TSPAN14: variants seen among roughly 807,000 people sequenced by gnomAD.
TSPAN14 encodes tetraspanin 14.
TSPAN14 carries 16 observed loss-of-function variants against 36.6 expected under a neutral mutation model. The ratio of observed to expected loss-of-function variants is 0.44; its 90% CI spans 0.30 to 0.66. TSPAN14 has a LOEUF of 0.66. Ranked by LOEUF, TSPAN14 falls within the 30% of genes least tolerant of loss-of-function variation. The pLI is 0.12. For missense variants in TSPAN14, 231 were observed against 355.1 expected (o/e 0.65, Z 2.81); for synonymous variants, 139 against 143.8 (o/e 0.97, Z 0.24).
rs1223793671 is a variant in TSPAN14, at chr10:80,509,129, CAG to C, written c.280-169_280-168del. Among the ~76,000 whole-genome samples, 1 of 152,184 alleles carries C rather than the reference CAG, an allele frequency of 6.6e-6. No homozygotes were observed. The highest frequency in any genetic ancestry group is 1.5e-5 in the Non-Finnish European group (1 of 68,036). On this transcript the variant is annotated intron_variant, in intron 4 of 8. Transcript: ENST00000429989. This position sits in a 1 kb window ranked among gnomAD's most constrained non-coding sequence, Gnocchi z 4.7. ...TTTTTACAGATGAAGCGAAGTTGTG[CAG>C]AGTCACCCAGCTAACTCTAAGTGTG...
intron 1 of TSPAN14, among the ~76,000 whole-genome samples, chr10:80,465,296 G>C (rs974705420): frequency 1.3e-5 from 2 of 151,724 alleles, no homozygotes; most frequent in Non-Finnish European, 2.9e-5. Context: ...CAGTGCTCCC[G>C]TTCCTCACGC....
At chr10:80,469,508 G>C (rs1402713523) in intron 1 of TSPAN14, among the ~76,000 whole-genome samples, 1 of 152,102 alleles carries the variant, frequency 6.6e-6, no homozygotes, top group African/African-American at 2.4e-5. Flanking sequence ...GCTTCCCTGG[G>C]AATGAGACCC....
At chr10:80,487,162 C>T (rs1185758715) in intron 1 of TSPAN14, among the ~76,000 whole-genome samples, 1 of 152,184 alleles carries the variant, frequency 6.6e-6, no homozygotes, top group Non-Finnish European at 1.5e-5. Context: ...GGTTAGTTGC[C>T]TACACGGAGC....
intron 5 of TSPAN14, among the ~76,000 whole-genome samples, chr10:80,510,469 T>G (rs923119003): frequency 6.6e-6 from 1 of 152,218 alleles, no homozygotes; most frequent in African/African-American, 2.4e-5. Context: ...CACCGTCCTT[T>G]TTTCATTTTC....
chr10:80,483,630 C>T (rs949462262), intron 1 of TSPAN14, among the ~76,000 whole-genome samples: 32 of 151,840 alleles, frequency 2.1e-4, no homozygotes, highest in African/African-American at 7.0e-4. Flanking sequence ...TAAAGTAGGC[C>T]GGGTATGGTG....
At chr10:80,516,673 G>C (rs992559197) in intron 8 of TSPAN14, among the ~76,000 whole-genome samples, 5 of 152,166 alleles carry the variant, frequency 3.3e-5, no homozygotes, top group African/African-American at 2.4e-5. Context: ...GTGTGCTCGG[G>C]GTGGGCCATC....
At chr10:80,481,765 A>G (rs1195147590) in intron 1 of TSPAN14, among the ~76,000 whole-genome samples, 1 of 152,196 alleles carries the variant, frequency 6.6e-6, no homozygotes, top group Non-Finnish European at 1.5e-5. Context: ...AACTGGGATT[A>G]CAGGCATGGG....
chr10:80,508,104 T>C (rs1840391527), intron 4 of TSPAN14, among the ~76,000 whole-genome samples: 1 of 150,378 alleles, frequency 6.6e-6, no homozygotes, highest in Non-Finnish European at 1.5e-5. Context: ...GTGTGTTTCC[T>C]TTTTCTTTTC....
At chr10:80,501,105 G>GTTT (rs10713598) in intron 2 of TSPAN14, among the ~76,000 whole-genome samples, 6 of 140,004 alleles carry the variant, frequency 4.3e-5, no homozygotes, top group Non-Finnish European at 6.2e-5. Flanking sequence ...AACTGACGCT[G>GTTT]TTTTTTTTTT....
exon 9 of TSPAN14, chr10:80,519,945 ATTGT>A (rs1305295579): frequency 6.6e-6 from 1 of 151,772 alleles, no homozygotes; most frequent in African/African-American, 2.4e-5. Context: ...TAGAGGAAAC[ATTGT>A]TTTAGGTTAT....
Position 80,484,349 on chromosome 10 carries a change from G to A in TSPAN14, c.-17-4868G>A, listed in dbSNP as rs577296985. On this transcript the variant is annotated intron_variant, in intron 1 of 8. Transcript: ENST00000429989. ...TAAATTTTTTTATTTTTTAAAGACC[G>A]GGTCTTGCTCTGTCACCCAGACTGG... Among the ~76,000 whole-genome samples the A allele has an allele frequency of 6.6e-5, 10 of 151,648 alleles. No homozygotes were observed. In the South Asian group the frequency reaches 1.9e-3, roughly 28 times the overall value.
intron 1 of TSPAN14, among the ~76,000 whole-genome samples, chr10:80,479,273 C>T (rs1847104504): frequency 2.0e-5 from 3 of 150,554 alleles, no homozygotes; most frequent in Admixed American, 6.6e-5. Flanking sequence ...GTTTCTTTTG[C>T]TGTGCAGAAG....
At chr10:80,458,581 G>T (rs950252518) in intron 1 of TSPAN14, among the ~76,000 whole-genome samples, 1 of 152,136 alleles carries the variant, frequency 6.6e-6, no homozygotes, top group Non-Finnish European at 1.5e-5. Context: ...TCCAGCAGTG[G>T]TCTCACTCTT....
At chr10:80,469,756 A>G (rs1395147781) in intron 1 of TSPAN14, among the ~76,000 whole-genome samples, 1 of 151,782 alleles carries the variant, frequency 6.6e-6, no homozygotes, top group African/African-American at 2.4e-5. Flanking sequence ...TTTGGAAAGG[A>G]TTTTTGTTTG....
chr10:80,511,451 G>A (rs1272826931), intron 5 of TSPAN14, among the ~76,000 whole-genome samples: 2 of 152,238 alleles, frequency 1.3e-5, no homozygotes, highest in Admixed American at 1.3e-4. Flanking sequence ...CCAAGGTGCC[G>A]AGGGGGCCAC....
At chr10:80,470,252 T>A (rs1222999578) in intron 1 of TSPAN14, among the ~76,000 whole-genome samples, 1 of 152,170 alleles carries the variant, frequency 6.6e-6, no homozygotes, top group Non-Finnish European at 1.5e-5. Flanking sequence ...GGCCTGCTAA[T>A]TTTTCTATTT....
exon 9 of TSPAN14, chr10:80,520,760 C>T (rs2132079000): frequency 1.9e-6 from 1 of 533,542 alleles, no homozygotes; most frequent in East Asian, 5.4e-5. Context: ...GCACCACCCA[C>T]CATGCCCCAC....
intron 1 of TSPAN14, among the ~76,000 whole-genome samples, chr10:80,484,483 A>G (rs1007295270): frequency 2.6e-5 from 4 of 151,994 alleles, no homozygotes; most frequent in African/African-American, 9.7e-5. Flanking sequence ...ACACCCAGCT[A>G]ATTTTTGTAC....
At position 80,509,816 on chromosome 10, in the gene TSPAN14, C is replaced by G. The variant is rs140618219; in HGVS notation, c.450+345C>G. 1 of 225,314 alleles carries G rather than the reference C, an allele frequency of 4.4e-6. No homozygotes were observed. Among genetic ancestry groups the G allele is most frequent in the East Asian group, 1.2e-4 (1 of 8,692 alleles). 14.0% of individuals were successfully genotyped at this position (225,314 alleles called of 1,614,324 possible). On this transcript the variant is annotated intron_variant, in intron 5 of 8. Transcript: ENST00000429989. This position sits in a 1 kb window ranked among gnomAD's most constrained non-coding sequence, Gnocchi z 4.7. ...GCAATCCTCCTTAGGCGCTGCATAC[C>G]GTAAGGCACAGCTTCTTCCCCCCGG...
Sources: allele counts gnomAD v4.1 joint callset (sites outside exome capture counted in the v4.1 genomes callset), GRCh38; gene constraint gnomAD v4.1.1; non-coding constraint Gnocchi (gnomAD v3.1); transcripts MANE v1.5; gene names NCBI Gene and HGNC (gene_info 2026-07-23, HGNC 2026-07-21).